AQP7B: variants seen among roughly 807,000 people sequenced by gnomAD.
AQP7B encodes the protein aquaporin 7B, also known as putative aquaporin-7B.
the AQP7B span, chr2:94,603,933 C>G: frequency 8.0e-7 from 1 of 1,248,920 alleles, no homozygotes; most frequent in Non-Finnish European, 1.2e-6. Context: ...TCTTCAGGTA[C>G]TGCCCCTGCC....
chr2:94,591,855 C>T, the AQP7B span, among the ~76,000 whole-genome samples: 2 of 152,154 alleles, frequency 1.3e-5, no homozygotes, highest in Non-Finnish European at 2.9e-5. Flanking sequence ...TCCTCTAGGC[C>T]ATTCACTTCC....
the AQP7B span, chr2:94,603,540 C>T: frequency 6.3e-7 from 1 of 1,577,376 alleles, no homozygotes; most frequent in Non-Finnish European, 8.7e-7. Flanking sequence ...CCCTGCCCTC[C>T]ACCCCTCAGG....
At chr2:94,587,367 G>A in the AQP7B span, among the ~76,000 whole-genome samples, 3 of 152,192 alleles carry the variant, frequency 2.0e-5, no homozygotes, top group Non-Finnish European at 4.4e-5. Flanking sequence ...TAACTGAGAA[G>A]CCCCCAAGGC....
At chr2:94,603,604 G>A in the AQP7B span, 1 of 1,355,692 alleles carries the variant, frequency 7.4e-7, no homozygotes. Context: ...TCTGGATGGA[G>A]ACTGTACTGA....
chr2:94,589,933 C>T, the AQP7B span, among the ~76,000 whole-genome samples: 4 of 152,236 alleles, frequency 2.6e-5, no homozygotes, highest in South Asian at 4.2e-4. Context: ...AGAATGTGCA[C>T]AGCTTCCACC....
At chr2:94,601,432 G>A in the AQP7B span, among the ~76,000 whole-genome samples, 1 of 152,210 alleles carries the variant, frequency 6.6e-6, no homozygotes, top group East Asian at 1.9e-4. Context: ...CTCCCCCACA[G>A]AGGTGACGGG....
chr2:94,603,849 A>G, the AQP7B span: 1 of 1,432,022 alleles, frequency 7.0e-7, no homozygotes, highest in Non-Finnish European at 9.8e-7. Context: ...GCATAAACAC[A>G]GGATATGCCA....
the AQP7B span, among the ~76,000 whole-genome samples, chr2:94,601,889 G>A: frequency 2.9e-4 from 44 of 152,210 alleles, no homozygotes; most frequent in South Asian, 3.9e-3. Context: ...CTGTGAAGGC[G>A]GCATTATCTG....
At chr2:94,592,663 G>A in the AQP7B span, among the ~76,000 whole-genome samples, 1 of 151,988 alleles carries the variant, frequency 6.6e-6, no homozygotes, top group Non-Finnish European at 1.5e-5. Context: ...TGGAAGCCTG[G>A]CTCCTTTCTC....
the AQP7B span, among the ~76,000 whole-genome samples, chr2:94,602,151 G>A: frequency 6.6e-6 from 1 of 151,836 alleles, no homozygotes; most frequent in Non-Finnish European, 1.5e-5. Flanking sequence ...GACTCTGAGG[G>A]GGTGCAATGC....
the AQP7B span, among the ~76,000 whole-genome samples, chr2:94,592,809 A>G: frequency 7.5e-6 from 1 of 134,146 alleles, no homozygotes; most frequent in African/African-American, 2.7e-5. Context: ...TTAATTAATT[A>G]AGCTTTTTTT....
chr2:94,602,665 C>T, the AQP7B span: 2 of 1,536,386 alleles, frequency 1.3e-6, no homozygotes, highest in Non-Finnish European at 9.0e-7. Context: ...GTGTCCCCAA[C>T]AGGCTCTTTC....
the AQP7B span, among the ~76,000 whole-genome samples, chr2:94,597,267 G>A: frequency 1.3e-5 from 2 of 152,180 alleles, no homozygotes; most frequent in African/African-American, 4.8e-5. Context: ...CCAGCCCCAT[G>A]AGGGCTGTTA....
the AQP7B span, chr2:94,602,359 G>T: frequency 4.6e-6 from 4 of 871,484 alleles, no homozygotes; most frequent in Admixed American, 3.0e-5. Flanking sequence ...GGAAGAGGGC[G>T]TGGCAGAGGG....
At chr2:94,603,744 CT>C in the AQP7B span, 1 of 1,517,344 alleles carries the variant, frequency 6.6e-7, no homozygotes, top group Non-Finnish European at 8.9e-7. Flanking sequence ...AGCTGTGTCT[CT>C]TCACCATCAC....
the AQP7B span, among the ~76,000 whole-genome samples, chr2:94,588,974 T>A: frequency 6.7e-6 from 1 of 148,856 alleles, no homozygotes; most frequent in Non-Finnish European, 1.5e-5. Flanking sequence ...TTCTTTTCTG[T>A]TTTTTTTTCT....
chr2:94,596,590 C>T, the AQP7B span, among the ~76,000 whole-genome samples: 4 of 152,322 alleles, frequency 2.6e-5, no homozygotes, highest in African/African-American at 9.6e-5. Context: ...TGACTTCTCA[C>T]TTATATTGTG....
the AQP7B span, chr2:94,603,071 CTG>C: frequency 1.3e-6 from 2 of 1,596,038 alleles, no homozygotes; most frequent in South Asian, 2.3e-5. Flanking sequence ...CCTTCACTAA[CTG>C]TGCGCTGGGC....
chr2:94,598,809 T>C, the AQP7B span, among the ~76,000 whole-genome samples: 2 of 152,184 alleles, frequency 1.3e-5, no homozygotes, highest in Non-Finnish European at 2.9e-5. Flanking sequence ...TTTTATTTTA[T>C]TTATTTATTT....
Sources: gnomAD v4.1 joint callset for allele counts (sites outside exome capture counted in the v4.1 genomes callset) on GRCh38, gnomAD v4.1.1 for gene constraint, MANE v1.5 for transcripts, NCBI Gene and HGNC (gene_info 2026-07-23, HGNC 2026-07-21) for gene names.